Variants in XKR4 observed in about 807,000 individuals in gnomAD.
XKR4 encodes XK related 4, also known as XK-related protein 4.
XKR4 carries 12 observed loss-of-function variants against 53.9 expected under a neutral mutation model. The ratio of observed to expected loss-of-function variants is 0.22; its 90% CI spans 0.14 to 0.36. The LOEUF (loss-of-function observed/expected upper bound fraction) is 0.36, where lower values mean the gene tolerates loss of function less well. Ranked by LOEUF, XKR4 falls within the 10% of genes least tolerant of loss-of-function variation. The probability of loss-of-function intolerance (pLI) is 1.00; values close to 1 mark genes in which losing one functional copy is unlikely to be tolerated. For missense variants in XKR4, 799 were observed against 859.5 expected (o/e 0.93, Z 0.88); for synonymous variants, 354 against 362.4 (o/e 0.98, Z 0.26).
At chr8:55,510,031 C>T (rs894591521) in intron 2 of XKR4, among the ~76,000 whole-genome samples, 1 of 152,180 alleles carries the variant, frequency 6.6e-6, no homozygotes, top group African/African-American at 2.4e-5. Flanking sequence ...GAGTTAAGAG[C>T]AGAACCTACT....
intron 2 of XKR4, among the ~76,000 whole-genome samples, chr8:55,383,737 T>C (rs937104498): frequency 1.3e-5 from 2 of 152,186 alleles, no homozygotes; most frequent in Admixed American, 1.3e-4. Context: ...ATCTTATATC[T>C]GAGTCTGCTT....
intron 1 of XKR4, among the ~76,000 whole-genome samples, chr8:55,349,812 C>G (rs1309986591): frequency 6.6e-6 from 1 of 152,120 alleles, no homozygotes; most frequent in Admixed American, 6.6e-5. Context: ...CCAATTAGTA[C>G]AGTCTTTCTA....
chr8:55,408,947 C>T (rs867607876), intron 2 of XKR4, among the ~76,000 whole-genome samples: 6 of 146,984 alleles, frequency 4.1e-5, no homozygotes, highest in Middle Eastern at 7.1e-3. Context: ...GCAGAGGTTG[C>T]AGTGAGCCGA....
chr8:55,454,634 G>C (rs1805527778), intron 2 of XKR4: 15 of 1,137,568 alleles, frequency 1.3e-5, no homozygotes, highest in Non-Finnish European at 1.6e-5. Context: ...CCCCCAGCCA[G>C]GGGCACGGTG....
At chr8:55,129,438 T>G (rs150317968) in intron 1 of XKR4, among the ~76,000 whole-genome samples, 1 of 152,318 alleles carries the variant, frequency 6.6e-6, no homozygotes, top group African/African-American at 2.4e-5. Context: ...ACATTTCAGT[T>G]TTACAAACCA....
rs574135871 is a variant in XKR4, at chr8:55,452,603, G to GT, written c.1007-70675dup. The GT allele has an allele frequency of 7.0e-4, 753 of 1,077,796 alleles. 7 individuals are homozygous for GT. The African/African-American group carries it at 0.01, about 14-fold the overall frequency. The allele number at this position is 1,077,796 out of a possible 1,614,324, so 66.8% of individuals were successfully genotyped here. ...GCTGCACCGCCTCCAGGGTCTTAAT[G>GT]TTTATCTGGACGATGTCTGGCACCA... On this transcript the variant is annotated intron_variant, in intron 2 of 2. Transcript: ENST00000327381.
At chr8:55,280,483 C>T (rs1818829717) in intron 1 of XKR4, among the ~76,000 whole-genome samples, 2 of 152,216 alleles carry the variant, frequency 1.3e-5, no homozygotes, top group African/African-American at 4.8e-5. Flanking sequence ...GGTGCTTCTG[C>T]AGCCCTCTAG....
intron 1 of XKR4, among the ~76,000 whole-genome samples, chr8:55,177,610 G>A (rs868219539): frequency 6.6e-6 from 1 of 152,194 alleles, no homozygotes; most frequent in Non-Finnish European, 1.5e-5. Context: ...TGTGAGCCCT[G>A]GCAGACATAC....
intron 2 of XKR4, chr8:55,451,020 T>C: frequency 1.8e-6 from 1 of 552,100 alleles, no homozygotes; most frequent in Non-Finnish European, 3.4e-6. Flanking sequence ...GAAGCTAGCC[T>C]TCACCTGCCG....
intron 2 of XKR4, among the ~76,000 whole-genome samples, chr8:55,458,344 A>T (rs1269765733): frequency 2.0e-5 from 3 of 152,196 alleles, no homozygotes; most frequent in Non-Finnish European, 4.4e-5. Context: ...AGAGGCTAGG[A>T]TGAGTGCTTC....
rs571096003 is a variant in XKR4 at position 55,297,637 on chromosome 8, G to A, written c.807-60041G>A. ...ATAAAGAAAAGAGACTGGGAATGTT[G>A]TCATAACTTTTTAACACATAAGTTT... On this transcript the variant is annotated intron_variant, in intron 1 of 2. Transcript: ENST00000327381. 5.9e-5 allele frequency among the ~76,000 whole-genome samples: 9 copies of A among 152,272 alleles called. No homozygotes were observed. The South Asian group carries it at 1.7e-3, about 28-fold the overall frequency.
chr8:55,149,894 A>G (rs1040331826), intron 1 of XKR4, among the ~76,000 whole-genome samples: 1 of 152,178 alleles, frequency 6.6e-6, no homozygotes, highest in Non-Finnish European at 1.5e-5. Flanking sequence ...TGGATAACCA[A>G]TCCATACAAG....
At chr8:55,473,107 C>A (rs1029047540) in intron 2 of XKR4, among the ~76,000 whole-genome samples, 6 of 152,126 alleles carry the variant, frequency 3.9e-5, no homozygotes, top group Admixed American at 3.9e-4. Context: ...CTCCTCCAGT[C>A]TTCCTTGGCC....
At chr8:55,295,048 A>G (rs1819082711) in intron 1 of XKR4, among the ~76,000 whole-genome samples, 1 of 152,204 alleles carries the variant, frequency 6.6e-6, no homozygotes, top group East Asian at 1.9e-4. Context: ...ATAATTCATG[A>G]TAAAAATAAT....
chr8:55,175,019 G>T (rs1430001911), intron 1 of XKR4, among the ~76,000 whole-genome samples: 3 of 152,200 alleles, frequency 2.0e-5, no homozygotes, highest in Non-Finnish European at 4.4e-5. Context: ...TCCACTGGTA[G>T]ATTTCAGAAT....
intron 2 of XKR4, among the ~76,000 whole-genome samples, chr8:55,431,815 T>C (rs1265876519): frequency 6.6e-6 from 1 of 152,210 alleles, no homozygotes; most frequent in Non-Finnish European, 1.5e-5. Context: ...TCAAGAAAAA[T>C]TCACCCTTAT....
intron 1 of XKR4, among the ~76,000 whole-genome samples, chr8:55,289,580 GAAGAAAGAAAGAGAAAGA>G (rs796123318): frequency 0.046 from 3,892 of 85,302 alleles, 109 homozygotes; most frequent in East Asian, 0.15. Context: ...AGAGAGAAAG[GAAGAAAGAAAGAGAAAGA>G]AAGAAAGAAA....
chr8:55,103,895 C>G (rs1226044997), intron 1 of XKR4, among the ~76,000 whole-genome samples: 1 of 105,094 alleles, frequency 9.5e-6, no homozygotes, highest in Non-Finnish European at 2.0e-5. Context: ...ATATATATAT[C>G]CCCGAGCATG....
At chr8:55,106,655 A>C (rs1012709062) in intron 1 of XKR4, among the ~76,000 whole-genome samples, 2 of 152,182 alleles carry the variant, frequency 1.3e-5, no homozygotes, top group African/African-American at 4.8e-5. Flanking sequence ...TTCAGAAATT[A>C]TGAAGTTTAC....
Sources: gnomAD v4.1 joint callset for allele counts (sites outside exome capture counted in the v4.1 genomes callset) on GRCh38, gnomAD v4.1.1 for gene constraint, MANE v1.5 for transcripts, NCBI Gene and HGNC (gene_info 2026-07-23, HGNC 2026-07-21) for gene names.